The following LHFPL5 variants were observed in gnomAD, a reference collection of about 807,000 sequenced individuals.
LHFPL5 encodes LHFPL tetraspan subfamily member 5 protein.
Under a neutral mutation model 18.7 loss-of-function variants are expected in LHFPL5, and 12 were observed. The observed-to-expected ratio is 0.64, with a 90% CI of 0.41 to 1.04. LHFPL5 has a LOEUF of 1.04. Ranked by LOEUF, LHFPL5 falls within the 50% of genes least tolerant of loss-of-function variation. The probability of loss-of-function intolerance (pLI) is 0.00; values close to 1 mark genes in which losing one functional copy is unlikely to be tolerated. For missense variants in LHFPL5, 259 were observed against 292.1 expected (o/e 0.89, Z 0.83); for synonymous variants, 111 against 120.2 (o/e 0.92, Z 0.50).
Position 35,819,762 on chromosome 6 carries a change from C to G in LHFPL5, c.*16+299C>G. 9 of 413,420 alleles carry G rather than the reference C, an allele frequency of 2.2e-5. 1 individual carries two copies. The highest frequency in any genetic ancestry group is 2.1e-4 in the South Asian group (9 of 41,962). 25.6% of individuals were successfully genotyped at this position (413,420 alleles called of 1,614,324 possible). On this transcript the variant is annotated intron_variant, in intron 3 of 3. Transcript: ENST00000360215. Reference sequence around the variant, plus strand: ...GTGCGATCTCGGCTCACTGCAACCTCCACCTCCTGGGTTCAAGCCATTCTC... The same window carrying G: ...GTGCGATCTCGGCTCACTGCAACCTGCACCTCCTGGGTTCAAGCCATTCTC...
At chr6:35,811,429 A>G (rs1768663157) in intron 1 of LHFPL5, 3 of 152,296 alleles carry the variant, frequency 2.0e-5, no homozygotes, top group African/African-American at 4.8e-5. Flanking sequence ...GACGGAAGTC[A>G]GAGAGGGTAA....
intron 2 of LHFPL5, among the ~76,000 whole-genome samples, chr6:35,819,196 A>G (rs551012006): frequency 2.0e-5 from 3 of 152,176 alleles, no homozygotes; most frequent in African/African-American, 7.2e-5. Context: ...CAGCTGCCTA[A>G]CAATGCCTTT....
At chr6:35,812,827 G>A (rs920354918) in intron 1 of LHFPL5, among the ~76,000 whole-genome samples, 2 of 152,156 alleles carry the variant, frequency 1.3e-5, no homozygotes, top group African/African-American at 4.8e-5. Flanking sequence ...GGCCAAGGCC[G>A]GCGGATCACT....
intron 1 of LHFPL5, among the ~76,000 whole-genome samples, chr6:35,806,761 G>A (rs1768575444): frequency 6.6e-6 from 1 of 152,124 alleles, no homozygotes; most frequent in Non-Finnish European, 1.5e-5. Context: ...TATACTTAAG[G>A]CAGCAAATGG....
chr6:35,806,308 A>T (rs1028502160), intron 1 of LHFPL5, among the ~76,000 whole-genome samples: 5 of 152,146 alleles, frequency 3.3e-5, no homozygotes, highest in African/African-American at 1.2e-4. Context: ...CATCCTACAG[A>T]TGAGGTTCTG....
chr6:35,818,351 A>ATATATATATATT (rs1768805129), intron 2 of LHFPL5, among the ~76,000 whole-genome samples: 1 of 106,926 alleles, frequency 9.4e-6, no homozygotes, highest in African/African-American at 3.8e-5. Context: ...ATATATATGT[A>ATATATATATATT]TTTTTTTTTT....
intron 2 of LHFPL5, among the ~76,000 whole-genome samples, chr6:35,818,493 G>C (rs1469001262): frequency 1.3e-5 from 2 of 150,300 alleles, no homozygotes; most frequent in African/African-American, 4.9e-5. Flanking sequence ...CAAATAGCTA[G>C]GACTACAGGC....
At position 35,805,718 on chromosome 6, in the gene LHFPL5, CAACT is replaced by C; in HGVS notation, c.50_53del (p.Asn17MetfsTer10). ...AGGAGGCAGCCAAGATCTACCATAC[CAACT>C]ATGTGCGGAACTCGCGAGCCGTGGG... On this transcript the variant is annotated frameshift_variant, in exon 1 of 4. Coordinates refer to ENST00000360215, the MANE Select transcript of LHFPL5 (RefSeq NM_182548.4). LOFTEE classifies it high-confidence loss of function. This position sits in a 1 kb window ranked among gnomAD's most constrained non-coding sequence, Gnocchi z 4.3. 6.2e-7 allele frequency: 1 copy of C among 1,614,224 alleles called. No individual in the cohort carries two copies. The highest frequency in any genetic ancestry group is 1.3e-5 in the African/African-American group (1 of 75,066).
At chr6:35,816,368 A>G (rs918826024) in intron 2 of LHFPL5, among the ~76,000 whole-genome samples, 17 of 151,614 alleles carry the variant, frequency 1.1e-4, no homozygotes, top group African/African-American at 4.1e-4. Context: ...AAAAGAAAAA[A>G]AAAGAAAAAG....
intron 2 of LHFPL5, among the ~76,000 whole-genome samples, chr6:35,818,275 G>T (rs1768796683): frequency 6.7e-6 from 1 of 148,532 alleles, no homozygotes; most frequent in Admixed American, 6.8e-5. Flanking sequence ...AAATGTTTTA[G>T]AATTAGTGAT....
At chr6:35,809,380 C>G (rs146179097) in intron 1 of LHFPL5, among the ~76,000 whole-genome samples, 2 of 152,194 alleles carry the variant, frequency 1.3e-5, no homozygotes, top group East Asian at 1.9e-4. Context: ...GGCATTAGCA[C>G]GAGATCTCTG....
At chr6:35,821,042 G>C (rs1276241294) in intron 3 of LHFPL5, among the ~76,000 whole-genome samples, 1 of 152,164 alleles carries the variant, frequency 6.6e-6, no homozygotes, top group Admixed American at 6.5e-5. Flanking sequence ...AGTGGCTCAT[G>C]CCTGTAATCC....
chr6:35,805,914 G>A lies in LHFPL5; in HGVS notation c.244G>A (p.Gly82Ser), dbSNP rs748539475. 1.4e-5 allele frequency: 22 copies of A among 1,614,198 alleles called. No homozygotes were observed. The highest frequency in any genetic ancestry group is 5.5e-5 in the South Asian group (5 of 91,074). ...GTCCTCCGAGCTCATCTGCAAGGGC[G>A]GCCCCCTAGACTTCTCCTCCATCCC... is the stretch of plus-strand genomic sequence containing the variant. ...VLSSELICKG[G>S]PLDFSSIPSR... The change falls in exon 1 of 4, where the codon GGC becomes AGC. Residue 82 changes from glycine (G) to serine (S), a missense_variant. Transcript: ENST00000360215. The surrounding 1 kb of genome is among the most constrained non-coding windows in gnomAD (Gnocchi z 4.3).
At chr6:35,808,959 C>G (rs528763967) in intron 1 of LHFPL5, among the ~76,000 whole-genome samples, 2 of 152,022 alleles carry the variant, frequency 1.3e-5, no homozygotes, top group Admixed American at 1.3e-4. Flanking sequence ...TGCTGTGCTG[C>G]GGAAGGGGAA....
chr6:35,816,778 C>T (rs535949764), intron 2 of LHFPL5, among the ~76,000 whole-genome samples: 12 of 147,194 alleles, frequency 8.2e-5, no homozygotes, highest in Middle Eastern at 6.9e-3. Context: ...TACCACTGCA[C>T]TCCAGCCTGG....
chr6:35,812,306 A>G (rs1256835298), intron 1 of LHFPL5, among the ~76,000 whole-genome samples: 1 of 152,174 alleles, frequency 6.6e-6, no homozygotes, highest in African/African-American at 2.4e-5. Flanking sequence ...TTAGGCCTGA[A>G]GAGGTGCTTT....
Position 35,805,784 on chromosome 6 carries a change from A to G in LHFPL5, c.114A>G (p.Val38=). 6.2e-7 allele frequency: 1 copy of G among 1,614,218 alleles called. No homozygotes were observed. ...MWGTLTICFS[V]LVMALFIQPY... is the part of the protein sequence containing the mutation. ...GTACCCTCACCATCTGCTTCTCCGTACTGGTCATGGCCCTCTTCATCCAGC... is the reference window on the plus strand; with the variant it reads ...GTACCCTCACCATCTGCTTCTCCGTGCTGGTCATGGCCCTCTTCATCCAGC... Residue 38 remains valine (V), a synonymous_variant, in exon 1 of 4, where the codon GTA becomes GTG. Transcript: ENST00000360215. This position sits in a 1 kb window ranked among gnomAD's most constrained non-coding sequence, Gnocchi z 4.3.
intron 2 of LHFPL5, among the ~76,000 whole-genome samples, chr6:35,817,539 G>A (rs866159513): frequency 3.9e-5 from 6 of 152,112 alleles, no homozygotes; most frequent in African/African-American, 1.4e-4. Flanking sequence ...TGCTTAAAAT[G>A]GGCAAGGGAT....
intron 2 of LHFPL5, among the ~76,000 whole-genome samples, chr6:35,818,833 AT>A (rs201047446): frequency 6.8e-6 from 1 of 146,336 alleles, no homozygotes; most frequent in Non-Finnish European, 1.5e-5. Context: ...CATATTCACT[AT>A]TTTTTTTCCT....
Sources: gnomAD v4.1 joint callset for allele counts (sites outside exome capture counted in the v4.1 genomes callset) on GRCh38, gnomAD v4.1.1 for gene constraint, Gnocchi (gnomAD v3.1) non-coding constraint, MANE v1.5 for transcripts, NCBI Gene and HGNC (gene_info 2026-07-23, HGNC 2026-07-21) for gene names.